PNMA8B: variants seen among roughly 807,000 people sequenced by gnomAD.
PNMA8B encodes PNMA family member 8B.
For missense variants in PNMA8B, 887 were observed against 885.8 expected (o/e 1.00, Z -0.02); for synonymous variants, 386 against 394.9 (o/e 0.98, Z 0.27).
In PNMA8B at chr19:46,492,178, G is replaced by A. The variant is rs940811806; in HGVS notation, c.*1380C>T. On this transcript the variant is annotated 3_prime_UTR_variant, in exon 1 of 1. Transcript: ENST00000599531. ...CTATTCCTTCCCAGGGACAAGTGGG[G>A]CAGGGCCCCCTGGCACGATGGGCTC... 22 of 427,498 alleles carry A rather than the reference G, an allele frequency of 5.1e-5. No homozygotes were observed. Among genetic ancestry groups the A allele is most frequent in the African/African-American group, 3.8e-4 (19 of 49,438 alleles). 26.5% of individuals were successfully genotyped at this position (427,498 alleles called of 1,614,324 possible).
Position 46,494,137 on chromosome 19 carries a change from C to T in PNMA8B, c.1329G>A (p.Glu443=), listed in dbSNP as rs1970052163. Residue 443 remains glutamate (E), a synonymous_variant, in exon 1 of 1, where the codon GAG becomes GAA. Coordinates refer to ENST00000599531, the MANE Select transcript of PNMA8B (RefSeq NM_020709.3). Reference sequence around the variant, plus strand: ...CCAGCTCCAGAAGACCCCCTTCGTCCTCACGGTGCTCGCTCCAGCCCCCGA... The same window carrying T: ...CCAGCTCCAGAAGACCCCCTTCGTCTTCACGGTGCTCGCTCCAGCCCCCGA... The part of the protein sequence containing the change: ...GLFGGWSEHR[E]DEGGLLELVA... 6.2e-7 allele frequency: 1 copy of T among 1,611,090 alleles called. No individual in the cohort carries two copies. The highest frequency in any genetic ancestry group is 1.3e-5 in the African/African-American group (1 of 74,952).
chr19:46,491,246 G>C lies in PNMA8B; in HGVS notation c.*2312C>G, dbSNP rs890698490. On this transcript the variant is annotated 3_prime_UTR_variant, in exon 1 of 1. Transcript: ENST00000599531. ...ATTACATTTAAATCCAATTTACCCC[G>C]TGTGATTACCTAGTTGAACAAAGCA... The C allele has an allele frequency of 6.6e-6, 1 of 152,196 alleles. No homozygotes were observed. Among genetic ancestry groups the C allele is most frequent in the Non-Finnish European group, 1.5e-5 (1 of 68,036 alleles). 9.4% of individuals were successfully genotyped at this position (152,196 alleles called of 1,614,324 possible). A position where few individuals can be genotyped will look rare whatever the true frequency, so the allele number is the denominator to read the frequency against.
Position 46,495,402 on chromosome 19 carries a change from G to T in PNMA8B, c.64C>A (p.Leu22Met). 1 of 1,426,012 alleles carries T rather than the reference G, an allele frequency of 7.0e-7. No individual in the cohort carries two copies. 88.3% of individuals were successfully genotyped at this position (1,426,012 alleles called of 1,614,324 possible). Residue 22 changes from leucine (L) to methionine (M), a missense_variant, in exon 1 of 1, where the codon CTG (leucine) becomes ATG (methionine). Transcript: ENST00000599531. The stretch of plus-strand genomic sequence containing the variant: ...AGGCCCTCCGGGATGCCGGTGACCA[G>T]CAGGGCCCTGTGCGCGTCCACGTCC... ...SLDVDAHRAL[L>M]VTGIPEGLEQ...
In PNMA8B at chr19:46,494,761, A is replaced by T; in HGVS notation, c.705T>A (p.Val235=). ...ATLQAAAREL[V]RQWAPCNSEG... is the part of the protein sequence containing the mutation. ...CGGAGTTGCAGGGCGCCCACTGCCT[A>T]ACCAGCTCCCTGGCAGCGGCCTGCA... The change falls in exon 1 of 1, where the codon GTT becomes GTA. Residue 235 remains valine, a synonymous_variant. Coordinates refer to ENST00000599531, the MANE Select transcript of PNMA8B (RefSeq NM_020709.3). 6.2e-7 allele frequency: 1 copy of T among 1,613,850 alleles called. No individual in the cohort carries two copies.
rs992359856 is a variant in PNMA8B, at chr19:46,495,253, C to A, written c.213G>T (p.Glu71Asp). ...KAQAALVEFV[E>D]DVNHAAIPRE... ...TGGGAATGGCAGCGTGATTGACGTC[C>A]TCCACAAACTCCACCAGGGCGGCCT... The change falls in exon 1 of 1, where the codon GAG (glutamate) becomes GAT (aspartate). Residue 71 changes from glutamate (E) to aspartate (D), a missense_variant. Glu to Asp is a conservative substitution (Grantham distance 45, BLOSUM62 2). Transcript: ENST00000599531. 1 of 1,564,476 alleles carries A rather than the reference C, an allele frequency of 6.4e-7. No homozygotes were observed. Among genetic ancestry groups the A allele is most frequent in the Non-Finnish European group, 8.8e-7 (1 of 1,134,740 alleles).
At position 46,494,112 on chromosome 19, in the gene PNMA8B, C is replaced by G. The variant is rs1970051515; in HGVS notation, c.1354G>C (p.Val452Leu). ...ATGTCCTGGGCAGCCAGGAGCGCCACCAGCTCCAGAAGACCCCCTTCGTCC... is the reference window on the plus strand; with the variant it reads ...ATGTCCTGGGCAGCCAGGAGCGCCAGCAGCTCCAGAAGACCCCCTTCGTCC... ...REDEGGLLELVALLAAQDMAE... is the reference protein window; with the variant it reads ...REDEGGLLELLALLAAQDMAE... The change falls in exon 1 of 1, where the codon GTG (valine) becomes CTG (leucine). Residue 452 changes from valine to leucine, a missense_variant. Physicochemically the swap from Val to Leu is conservative, Grantham distance 32 (BLOSUM62 1). Transcript: ENST00000599531. The G allele has an allele frequency of 1.2e-6, 2 of 1,612,210 alleles. No individual in the cohort carries two copies. Among genetic ancestry groups the G allele is most frequent in the Non-Finnish European group, 1.7e-6 (2 of 1,179,842 alleles).
Position 46,493,918 on chromosome 19 carries a change from C to T in PNMA8B, c.1548G>A (p.Glu516=). The T allele has an allele frequency of 6.3e-7, 1 of 1,589,398 alleles. No individual in the cohort carries two copies. The highest frequency in any genetic ancestry group is 1.4e-5 in the African/African-American group (1 of 73,664). ...GCTCCGACGCCTCGCTCTCGGTGTC[C>T]TCCGACTCCTCCTCGGACTGTTCGT... ...ASDEQSEEES[E]DTESEASEPE... Residue 516 remains glutamate (E), a synonymous_variant, in exon 1 of 1, where the codon GAG becomes GAA. Coordinates refer to ENST00000599531, the MANE Select transcript of PNMA8B (RefSeq NM_020709.3). This position sits in a 1 kb window ranked among gnomAD's most constrained non-coding sequence, Gnocchi z 5.3.
In PNMA8B at chr19:46,494,183, T is replaced by G. The variant is rs745940906; in HGVS notation, c.1283A>C (p.Lys428Thr). ...LAQPDLPPQA[K>T]KAGRGLFGGW... ...CCCGAAGAGGCCACGCCCAGCCTTC[T>G]TCGCCTGGGGAGGGAGATCCGGCTG... Residue 428 changes from lysine to threonine, a missense_variant, in exon 1 of 1, where the codon AAG (lysine) becomes ACG (threonine). Transcript: ENST00000599531. The G allele has an allele frequency of 6.2e-7, 1 of 1,609,904 alleles. No individual in the cohort carries two copies. The highest frequency in any genetic ancestry group is 1.3e-5 in the African/African-American group (1 of 75,066).
rs1970010151 is a variant in PNMA8B at position 46,492,008 on chromosome 19, G to C, written c.*1550C>G. On this transcript the variant is annotated 3_prime_UTR_variant, in exon 1 of 1. Coordinates refer to ENST00000599531, the MANE Select transcript of PNMA8B (RefSeq NM_020709.3). ...GGTACACCCAGCCTGGTCCTCAGTG[G>C]GTGGGTCACTGTCCAGGGACAGCCT... 1 of 245,084 alleles carries C rather than the reference G, an allele frequency of 4.1e-6. No homozygotes were observed. The highest frequency in any genetic ancestry group is 2.3e-5 in the African/African-American group (1 of 43,654). 15.2% of individuals were successfully genotyped at this position (245,084 alleles called of 1,614,324 possible).
At position 46,493,766 on chromosome 19, in the gene PNMA8B, C is replaced by A; in HGVS notation, c.1700G>T (p.Arg567Leu). The change falls in exon 1 of 1, where the codon CGA (arginine) becomes CTA (leucine). Residue 567 changes from arginine to leucine, a missense_variant. By Grantham distance (102) the Arg-to-Leu change is moderately radical (BLOSUM62 -2). Transcript: ENST00000599531. This position sits in a 1 kb window ranked among gnomAD's most constrained non-coding sequence, Gnocchi z 5.3. ...CTTCTCGGGAGTGACGCCCCGGCCT[C>A]GGCCTCGGCCGCCCGCGCGGGTTTT... Reference protein sequence around the residue: ...ARKTRAGGRGRGRGVTPEKKA... With the variant: ...ARKTRAGGRGLGRGVTPEKKA... 1.4e-6 allele frequency: 2 copies of A among 1,389,746 alleles called. No individual in the cohort carries two copies. The highest frequency in any genetic ancestry group is 9.3e-7 in the Non-Finnish European group (1 of 1,079,342). 86.1% of individuals were successfully genotyped at this position (1,389,746 alleles called of 1,614,324 possible). A position where few individuals can be genotyped will look rare whatever the true frequency, so the allele number is the denominator to read the frequency against.
rs1478319197 is a variant in PNMA8B at position 46,495,220 on chromosome 19, G to A, written c.246C>T (p.Ile82=). The change falls in exon 1 of 1, where the codon ATC becomes ATT. Residue 82 remains isoleucine, a synonymous_variant. Coordinates refer to ENST00000599531, the MANE Select transcript of PNMA8B (RefSeq NM_020709.3). The part of the protein sequence containing the change: ...DVNHAAIPRE[I]PGKDGVWRVL... ...CCCTCCAGACCCCATCCTTGCCTGG[G>A]ATCTCCCTGGGAATGGCAGCGTGAT... 1 of 1,611,480 alleles carries A rather than the reference G, an allele frequency of 6.2e-7. No individual in the cohort carries two copies. The highest frequency in any genetic ancestry group is 8.5e-7 in the Non-Finnish European group (1 of 1,177,606).
Position 46,493,639 on chromosome 19 carries a change from C to T in PNMA8B, c.1827G>A (p.Lys609=). 2 of 1,535,702 alleles carry T rather than the reference C, an allele frequency of 1.3e-6. No homozygotes were observed. The highest frequency in any genetic ancestry group is 2.5e-5 in the East Asian group (1 of 39,510). The change falls in exon 1 of 1, where the codon AAG becomes AAA. Residue 609 remains lysine, a synonymous_variant. Transcript: ENST00000599531. The surrounding 1 kb of genome is among the most constrained non-coding windows in gnomAD (Gnocchi z 5.3). ...CCTTGGATCCAGTGGGCGCCTGGCC[C>T]TTGGCCTCGCCTGCCCTGGCATGGG... ...AGAHARAGEA[K]GQAPTGSKAA... is the part of the protein sequence containing the mutation.
rs1970084595 is a variant in PNMA8B, at chr19:46,495,644, G to A, written c.-179C>T. On this transcript the variant is annotated 5_prime_UTR_variant, in exon 1 of 1. Transcript: ENST00000599531. ...GCTCGGGGGCTCTAGCTGCCTGCTG[G>A]CCGGCTGGACGCAGTGACCTTCCCC... 9.3e-6 allele frequency: 7 copies of A among 754,308 alleles called. No individual in the cohort carries two copies. Among genetic ancestry groups the A allele is most frequent in the Non-Finnish European group, 1.5e-5 (7 of 472,402 alleles). The allele number at this position is 754,308 out of a possible 1,614,324, so 46.7% of individuals were successfully genotyped here. A position where few individuals can be genotyped will look rare whatever the true frequency, so the allele number is the denominator to read the frequency against.
rs1970081283 is a variant in PNMA8B, at chr19:46,495,428, A to T, written c.38T>A (p.Leu13Gln). 2.6e-6 allele frequency: 4 copies of T among 1,542,760 alleles called. No individual in the cohort carries two copies. The highest frequency in any genetic ancestry group is 1.4e-5 in the African/African-American group (1 of 73,572). ...MSLLQDWCRSLDVDAHRALLV... is the reference protein window; with the variant it reads ...MSLLQDWCRSQDVDAHRALLV... The stretch of plus-strand genomic sequence containing the variant: ...CAGGGCCCTGTGCGCGTCCACGTCC[A>T]GGCTCCGGCACCAGTCCTGCAAAAG... The change falls in exon 1 of 1, where the codon CTG becomes CAG. Residue 13 changes from leucine (L) to glutamine (Q), a missense_variant. Coordinates refer to ENST00000599531, the MANE Select transcript of PNMA8B (RefSeq NM_020709.3).
chr19:46,495,234 T>C lies in PNMA8B; in HGVS notation c.232A>G (p.Ile78Val), dbSNP rs373414398. ...EFVEDVNHAAIPREIPGKDGV... is the reference protein window; with the variant it reads ...EFVEDVNHAAVPREIPGKDGV... ...TCCTTGCCTGGGATCTCCCTGGGAATGGCAGCGTGATTGACGTCCTCCACA... is the reference window on the plus strand; with the variant it reads ...TCCTTGCCTGGGATCTCCCTGGGAACGGCAGCGTGATTGACGTCCTCCACA... The change falls in exon 1 of 1, where the codon ATT (isoleucine) becomes GTT (valine). Residue 78 changes from isoleucine to valine, a missense_variant. Coordinates refer to ENST00000599531, the MANE Select transcript of PNMA8B (RefSeq NM_020709.3). 11 of 1,604,368 alleles carry C rather than the reference T, an allele frequency of 6.9e-6. No homozygotes were observed. Among genetic ancestry groups the C allele is most frequent in the Admixed American group, 3.3e-5 (2 of 60,016 alleles).
At position 46,493,209 on chromosome 19, in the gene PNMA8B, G is replaced by T. The variant is rs1232934302; in HGVS notation, c.*349C>A. On this transcript the variant is annotated 3_prime_UTR_variant, in exon 1 of 1. Coordinates refer to ENST00000599531, the MANE Select transcript of PNMA8B (RefSeq NM_020709.3). The surrounding 1 kb of genome is among the most constrained non-coding windows in gnomAD (Gnocchi z 5.3). The stretch of plus-strand genomic sequence containing the variant: ...GAGAGCGCCACGAAGAGCCCTGCTC[G>T]CCTCTGCAGGTGCCCGGCGTCCACA... The T allele has an allele frequency of 1.4e-5, 3 of 212,926 alleles. No homozygotes were observed. Among genetic ancestry groups the T allele is most frequent in the Non-Finnish European group, 2.8e-5 (3 of 107,548 alleles). 13.2% of individuals were successfully genotyped at this position (212,926 alleles called of 1,614,324 possible).
Position 46,492,286 on chromosome 19 carries a change from C to T in PNMA8B, c.*1272G>A, listed in dbSNP as rs111862008. On this transcript the variant is annotated 3_prime_UTR_variant, in exon 1 of 1. Coordinates refer to ENST00000599531, the MANE Select transcript of PNMA8B (RefSeq NM_020709.3). Reference sequence around the variant, plus strand: ...AGAAGGCATGAATGAAGGTGGGGTCCCGTGGAGACTGATATTTAGGTAAAA... The same window carrying T: ...AGAAGGCATGAATGAAGGTGGGGTCTCGTGGAGACTGATATTTAGGTAAAA... 220 of 286,498 alleles carry T rather than the reference C, an allele frequency of 7.7e-4. 3 individuals carry two copies. The highest frequency in any genetic ancestry group is 4.5e-3 in the African/African-American group (204 of 45,196). 17.7% of individuals were successfully genotyped at this position (286,498 alleles called of 1,614,324 possible).
rs566737818 is a variant in PNMA8B at position 46,495,824 on chromosome 19, T to G, written c.-359A>C. On this transcript the variant is annotated 5_prime_UTR_variant, in exon 1 of 1. Coordinates refer to ENST00000599531, the MANE Select transcript of PNMA8B (RefSeq NM_020709.3). ...GGCGCCGAGTGCACCTGGAGAGGCGTGGGAGGTAGCAGCCGCAGCTTGCCT... is the reference window on the plus strand; with the variant it reads ...GGCGCCGAGTGCACCTGGAGAGGCGGGGGAGGTAGCAGCCGCAGCTTGCCT... 3.2e-5 allele frequency: 7 copies of G among 219,380 alleles called. No homozygotes were observed. Among genetic ancestry groups the G allele is most frequent in the Non-Finnish European group, 6.9e-5 (7 of 101,938 alleles). 13.6% of individuals were successfully genotyped at this position (219,380 alleles called of 1,614,324 possible). A position where few individuals can be genotyped will look rare whatever the true frequency, so the allele number is the denominator to read the frequency against.
In PNMA8B at chr19:46,494,356, G is replaced by T. The variant is rs750671772; in HGVS notation, c.1110C>A (p.Asp370Glu). 9.9e-6 allele frequency: 16 copies of T among 1,613,096 alleles called. No homozygotes were observed. Among genetic ancestry groups the T allele is most frequent in the African/African-American group, 2.7e-5 (2 of 74,938 alleles). Reference protein sequence around the residue: ...LGWSDEKDKRDPLRQVLSVMS... With the variant: ...LGWSDEKDKREPLRQVLSVMS... The stretch of plus-strand genomic sequence containing the variant: ...TGACGGACAAGACCTGTCGGAGGGG[G>T]TCTCGCTTGTCTTTCTCGTCGCTCC... The change falls in exon 1 of 1, where the codon GAC (aspartate) becomes GAA (glutamate). Residue 370 changes from aspartate (D) to glutamate (E), a missense_variant. Physicochemically the swap from Asp to Glu is conservative, Grantham distance 45 (BLOSUM62 2). Coordinates refer to ENST00000599531, the MANE Select transcript of PNMA8B (RefSeq NM_020709.3).
Sources: allele counts gnomAD v4.1 joint callset, GRCh38; gene constraint gnomAD v4.1.1; non-coding constraint Gnocchi (gnomAD v3.1); transcripts MANE v1.5; gene names NCBI Gene and HGNC (gene_info 2026-07-23, HGNC 2026-07-21).